The following SUCLG2 variants were observed in gnomAD, a reference collection of about 807,000 sequenced individuals.
SUCLG2 encodes the protein succinate-CoA ligase GDP-forming subunit beta.
Under a neutral mutation model 47.9 loss-of-function variants are expected in SUCLG2, and 42 were observed. The observed-to-expected ratio is 0.88, with a 90% CI of 0.69 to 1.14. SUCLG2 has a LOEUF of 1.14. Among genes scored for constraint, SUCLG2 ranks in the 50% most tolerant of loss-of-function variants. SUCLG2 has a pLI of 0.00. For synonymous variants in SUCLG2, 195 were observed against 197.3 expected (o/e 0.99, Z 0.10); for missense variants, 571 against 525.9 (o/e 1.09, Z -0.84).
At chr3:67,601,631 C>G (rs1460592061) in intron 2 of SUCLG2, among the ~76,000 whole-genome samples, 1 of 152,090 alleles carries the variant, frequency 6.6e-6, no homozygotes. Context: ...GAAAATGAGA[C>G]CACATGCCAA....
intron 6 of SUCLG2, 55 bp from the exon 7 acceptor site, chr3:67,508,958 T>G: frequency 2.2e-6 from 3 of 1,372,190 alleles, no homozygotes; most frequent in South Asian, 2.6e-5. Flanking sequence ...GAAAATTTAT[T>G]TTGCTGGATT....
At chr3:67,565,862 A>G (rs1476341590) in intron 2 of SUCLG2, among the ~76,000 whole-genome samples, 1 of 152,236 alleles carries the variant, frequency 6.6e-6, no homozygotes, top group Non-Finnish European at 1.5e-5. Flanking sequence ...GCTGTCACTT[A>G]AAGTACATTT....
At chr3:67,509,738 G>T in intron 6 of SUCLG2, among the ~76,000 whole-genome samples, 1 of 152,268 alleles carries the variant, frequency 6.6e-6, no homozygotes, top group Admixed American at 6.5e-5. Context: ...GAAGAATTAG[G>T]TATCAGTCTC....
intron 4 of SUCLG2, among the ~76,000 whole-genome samples, chr3:67,527,524 G>C (rs1473857580): frequency 6.6e-6 from 1 of 152,132 alleles, no homozygotes; most frequent in Non-Finnish European, 1.5e-5. Context: ...GTTAGGTTCT[G>C]GTCTCAGCTC....
intron 2 of SUCLG2, among the ~76,000 whole-genome samples, chr3:67,591,885 A>G (rs1708175822): frequency 6.6e-6 from 1 of 152,210 alleles, no homozygotes; most frequent in Non-Finnish European, 1.5e-5. Context: ...TTTTCTATGT[A>G]ATTAAATAGT....
chr3:67,633,087 A>C (rs570812457), intron 1 of SUCLG2, among the ~76,000 whole-genome samples: 34 of 152,348 alleles, frequency 2.2e-4, no homozygotes, highest in Admixed American at 2.6e-4. Flanking sequence ...AGAATCCACA[A>C]GTGTAGGAGG....
chr3:67,650,142 A>T (rs1701260327), intron 1 of SUCLG2, among the ~76,000 whole-genome samples: 1 of 152,228 alleles, frequency 6.6e-6, no homozygotes, highest in Non-Finnish European at 1.5e-5. Flanking sequence ...ACTTCATTTT[A>T]AAAAAAGAAA....
chr3:67,511,823 T>C (rs1376455906), intron 6 of SUCLG2, among the ~76,000 whole-genome samples: 1 of 145,006 alleles, frequency 6.9e-6, no homozygotes, highest in Non-Finnish European at 1.5e-5. Context: ...TATTAATTTA[T>C]AGGAAGAGTG....
intron 9 of SUCLG2, among the ~76,000 whole-genome samples, chr3:67,465,129 C>T (rs1704439565): frequency 6.6e-6 from 1 of 152,164 alleles, no homozygotes; most frequent in African/African-American, 2.4e-5. Context: ...GACACCTAGA[C>T]TAATACCATT....
At chr3:67,622,806 A>C (rs1419438867) in intron 1 of SUCLG2, among the ~76,000 whole-genome samples, 1 of 152,230 alleles carries the variant, frequency 6.6e-6, no homozygotes, top group Admixed American at 6.5e-5. Flanking sequence ...TGAGTAACTG[A>C]GGCCTGAAGT....
chr3:67,414,495 G>C (rs1702994612), intron 9 of SUCLG2, among the ~76,000 whole-genome samples: 1 of 152,148 alleles, frequency 6.6e-6, no homozygotes, highest in African/African-American at 2.4e-5. Flanking sequence ...GAGTAGAGAG[G>C]TATTAGATTA....
At chr3:67,636,610 C>A (rs2107360884) in intron 1 of SUCLG2, among the ~76,000 whole-genome samples, 1 of 152,244 alleles carries the variant, frequency 6.6e-6, no homozygotes, top group African/African-American at 2.4e-5. Flanking sequence ...CCTCGGCCTC[C>A]CAAAGTGCTG....
intron 2 of SUCLG2, among the ~76,000 whole-genome samples, chr3:67,577,702 G>A (rs1379796617): frequency 6.6e-6 from 1 of 152,030 alleles, no homozygotes; most frequent in Non-Finnish European, 1.5e-5. Flanking sequence ...CTCAAATAAG[G>A]GCAGGAATGG....
chr3:67,498,109 T>C (rs1217120825), intron 8 of SUCLG2, 25 bp downstream of exon 8: 1 of 1,580,478 alleles, frequency 6.3e-7, no homozygotes, highest in South Asian at 1.2e-5. Context: ...CCACAAAGCA[T>C]TCTTTTGATA....
intron 1 of SUCLG2, among the ~76,000 whole-genome samples, chr3:67,633,015 T>C (rs374851442): frequency 1.3e-5 from 2 of 152,252 alleles, no homozygotes; most frequent in African/African-American, 2.4e-5. Context: ...TATTTTATAA[T>C]CCTTCATATT....
intron 9 of SUCLG2, among the ~76,000 whole-genome samples, chr3:67,421,606 T>C (rs1703159292): frequency 6.6e-6 from 1 of 152,244 alleles, no homozygotes. Context: ...TGAAGATCAC[T>C]AGCACCAGAC....
At chr3:67,580,721 T>C (rs937109172) in intron 2 of SUCLG2, among the ~76,000 whole-genome samples, 3 of 152,206 alleles carry the variant, frequency 2.0e-5, no homozygotes, top group African/African-American at 4.8e-5. Flanking sequence ...TCCAAAATCA[T>C]TGGTCAGTTT....
chr3:67,561,208 C>G (rs2107216004), intron 2 of SUCLG2, among the ~76,000 whole-genome samples: 1 of 151,864 alleles, frequency 6.6e-6, no homozygotes, highest in Admixed American at 6.6e-5. Context: ...CTCCTACAAA[C>G]TGCACTGGTC....
intron 5 of SUCLG2, among the ~76,000 whole-genome samples, chr3:67,518,550 T>C (rs563099100): frequency 2.0e-5 from 3 of 152,342 alleles, no homozygotes; most frequent in South Asian, 4.1e-4. Flanking sequence ...TATATAATTC[T>C]TCATGGTGGC....
Sources: allele counts gnomAD v4.1 joint callset (sites outside exome capture counted in the v4.1 genomes callset), GRCh38; gene constraint gnomAD v4.1.1; transcripts MANE v1.5; gene names NCBI Gene and HGNC (gene_info 2026-07-23, HGNC 2026-07-21).